Variants in DDX24 observed in about 807,000 individuals in gnomAD.
The protein encoded by DDX24 is DEAD-box helicase 24, also known as ATP-dependent RNA helicase DDX24.
In DDX24, 24 loss-of-function variants were observed where a neutral mutation model predicts 68.9. That is an observed-to-expected ratio of 0.35 (90% confidence interval 0.25 to 0.49). DDX24 has a LOEUF of 0.49. Ranked by LOEUF, DDX24 falls within the 20% of genes least tolerant of loss-of-function variation. The probability of loss-of-function intolerance (pLI) is 0.99; values close to 1 mark genes in which losing one functional copy is unlikely to be tolerated. For missense variants in DDX24, 989 were observed against 1,039.0 expected (o/e 0.95, Z 0.66); for synonymous variants, 395 against 385.2 (o/e 1.03, Z -0.30).
At chr14:94,079,788 A>C (rs185678774) in intron 1 of DDX24, 41 bp from the exon 2 acceptor site, 10 of 1,563,764 alleles carry the variant, frequency 6.4e-6, no homozygotes, top group Non-Finnish European at 8.7e-6. Flanking sequence ...GGTGTCTGAG[A>C]AGCAGAGGGT....
intron 6 of DDX24, chr14:94,057,607 A>G: frequency 1.9e-6 from 1 of 522,852 alleles, no homozygotes; most frequent in Non-Finnish European, 3.4e-6. Flanking sequence ...AGTAGCTTGG[A>G]GAGAAGGGCT....
intron 2 of DDX24, among the ~76,000 whole-genome samples, chr14:94,075,950 A>C (rs1885931392): frequency 6.6e-6 from 1 of 152,240 alleles, no homozygotes; most frequent in Admixed American, 6.5e-5. Context: ...TAAAAGTCTA[A>C]AATAAAATTA....
At chr14:94,075,538 C>CTATTAA (rs1339951909) in intron 2 of DDX24, among the ~76,000 whole-genome samples, 61 of 152,200 alleles carry the variant, frequency 4.0e-4, no homozygotes, top group African/African-American at 1.4e-3. Flanking sequence ...AAACCTAAGA[C>CTATTAA]TATTAACACT....
rs1426212382 is a variant in DDX24 at position 94,079,206 on chromosome 14, T to C, written c.537A>G (p.Thr179=). Residue 179 remains threonine, a synonymous_variant, in exon 2 of 9, where the codon ACA becomes ACG. Coordinates refer to ENST00000621632, the MANE Select transcript of DDX24 (RefSeq NM_020414.4). ...TCTGATCATGAACTTCAGGAATCCA[T>C]GTCTTCGCTTTTTTGGGCACCTTGG... ...TAAKVPKKAK[T]WIPEVHDQKA... 3 of 1,614,258 alleles carry C rather than the reference T, an allele frequency of 1.9e-6. No homozygotes were observed. Among genetic ancestry groups the C allele is most frequent in the Non-Finnish European group, 2.5e-6 (3 of 1,180,048 alleles).
chr14:94,065,067 T>C (rs1391043686), intron 2 of DDX24, among the ~76,000 whole-genome samples: 1 of 151,702 alleles, frequency 6.6e-6, no homozygotes, highest in Non-Finnish European at 1.5e-5. Context: ...TTTTTTTTTT[T>C]TGAGACACAG....
chr14:94,062,209 G>A lies in DDX24; in HGVS notation c.1131C>T (p.Ser377=), dbSNP rs750437552. ...GNLKQELDDK[S]ATCKAYPKRP... ...GCTTTGGATATGCCTTACAGGTGGC[G>A]CTTTTGTCATCCAACTCCTGTTTTA... The change falls in exon 3 of 9, where the codon AGC becomes AGT. Residue 377 remains serine (S), a synonymous_variant. Transcript: ENST00000621632. 18 of 1,614,104 alleles carry A rather than the reference G, an allele frequency of 1.1e-5. No individual in the cohort carries two copies. Among genetic ancestry groups the A allele is most frequent in the South Asian group, 7.7e-5 (7 of 91,080 alleles).
intron 2 of DDX24, among the ~76,000 whole-genome samples, chr14:94,067,925 A>G (rs1200462093): frequency 6.6e-6 from 1 of 152,212 alleles, no homozygotes; most frequent in African/African-American, 2.4e-5. Context: ...ATGCAGACAT[A>G]CAAGTTAAAA....
chr14:94,074,647 A>T (rs923445782), intron 2 of DDX24, among the ~76,000 whole-genome samples: 1 of 152,250 alleles, frequency 6.6e-6, no homozygotes, highest in Non-Finnish European at 1.5e-5. Flanking sequence ...TTTCCCCAGA[A>T]GATCAAACAC....
At chr14:94,052,081 G>A (rs1885398682) in intron 8 of DDX24, among the ~76,000 whole-genome samples, 1 of 152,256 alleles carries the variant, frequency 6.6e-6, no homozygotes, top group Non-Finnish European at 1.5e-5. Context: ...ATAGCTCACT[G>A]TCATCAAGCC....
intron 3 of DDX24, among the ~76,000 whole-genome samples, chr14:94,061,648 G>T (rs1885599389): frequency 6.6e-6 from 1 of 152,128 alleles, no homozygotes; most frequent in African/African-American, 2.4e-5. Context: ...AATCCTAATA[G>T]CTTAGAGCAG....
intron 8 of DDX24, 66 bp downstream of exon 8, chr14:94,052,932 T>G (rs1383844616): frequency 6.4e-7 from 1 of 1,557,482 alleles, no homozygotes; most frequent in Admixed American, 1.9e-5. Context: ...TAGAGATGGT[T>G]CCAACAAAGC....
chr14:94,079,129 C>T lies in DDX24; in HGVS notation c.614G>A (p.Arg205Gln), dbSNP rs748177362. 7 of 1,614,076 alleles carry T rather than the reference C, an allele frequency of 4.3e-6. No individual in the cohort carries two copies. Among genetic ancestry groups the T allele is most frequent in the East Asian group, 2.2e-5 (1 of 44,896 alleles). Residue 205 changes from arginine to glutamine, a missense_variant, in exon 2 of 9, where the codon CGA becomes CAA. Around this residue, in one of 3 missense-constraint regions of DDX24, gnomAD observed 295 missense variants for 263.0 expected, o/e 1.12. Coordinates refer to ENST00000621632, the MANE Select transcript of DDX24 (RefSeq NM_020414.4). ...KDLFVPRPVL[R>Q]ALSFLGFSAP... ...AGAGAAGCCTAGAAAGCTGAGTGCTCGGAGAACCGGCCTGGGAACAAACAG... is the reference window on the plus strand; with the variant it reads ...AGAGAAGCCTAGAAAGCTGAGTGCTTGGAGAACCGGCCTGGGAACAAACAG...
At chr14:94,057,504 C>T in intron 6 of DDX24, 1 of 291,470 alleles carries the variant, frequency 3.4e-6, no homozygotes. Flanking sequence ...CCACACTCTT[C>T]TATTAATACT....
intron 2 of DDX24, among the ~76,000 whole-genome samples, chr14:94,078,565 A>C (rs147167089): frequency 1.7e-4 from 26 of 152,254 alleles, no homozygotes; most frequent in Non-Finnish European, 2.6e-4. Flanking sequence ...AACCCTTTTC[A>C]CCTTTGCACA....
At position 94,079,337 on chromosome 14, in the gene DDX24, C is replaced by G; in HGVS notation, c.406G>C (p.Asp136His). Residue 136 changes from aspartate to histidine, a missense_variant, in exon 2 of 9, where the codon GAT (aspartate) becomes CAT (histidine). Physicochemically the swap from Asp to His is moderately conservative, Grantham distance 81. Transcript: ENST00000621632. ...EAQGDDMVCD[D>H]PEAGEMTSEN... Reference sequence around the variant, plus strand: ...GATGTCATCTCCCCAGCCTCCGGATCATCACAAACCATGTCATCTCCCTGG... The same window carrying G: ...GATGTCATCTCCCCAGCCTCCGGATGATCACAAACCATGTCATCTCCCTGG... 6.2e-7 allele frequency: 1 copy of G among 1,614,074 alleles called. No homozygotes were observed. The highest frequency in any genetic ancestry group is 1.3e-5 in the African/African-American group (1 of 74,994).
chr14:94,064,689 C>T (rs1483133041), intron 2 of DDX24, among the ~76,000 whole-genome samples: 3 of 152,240 alleles, frequency 2.0e-5, no homozygotes, highest in African/African-American at 7.2e-5. Flanking sequence ...CCCTAGTCAT[C>T]TCATCCATCT....
chr14:94,060,653 G>A (rs200367600), intron 4 of DDX24, 40 bp from the exon 5 acceptor site: 1 of 1,594,788 alleles, frequency 6.3e-7, no homozygotes, highest in East Asian at 2.2e-5. Context: ...GTCAGCAGCG[G>A]GTTAAGAGGA....
chr14:94,064,806 T>G (rs576630694), intron 2 of DDX24, among the ~76,000 whole-genome samples: 1 of 152,352 alleles, frequency 6.6e-6, no homozygotes, highest in African/African-American at 2.4e-5. Context: ...GAAGGTGTTG[T>G]GGGAATACCC....
At chr14:94,069,129 CAAGAA>C (rs1414918300) in intron 2 of DDX24, among the ~76,000 whole-genome samples, 2 of 151,998 alleles carry the variant, frequency 1.3e-5, no homozygotes, top group South Asian at 2.1e-4. Context: ...CAAGATTAAC[CAAGAA>C]AAGAAGAGAG....
Sources: gnomAD v4.1 joint callset for allele counts (sites outside exome capture counted in the v4.1 genomes callset) on GRCh38, gnomAD v4.1.1 for gene constraint, gnomAD v4.1.1 regional missense constraint, MANE v1.5 for transcripts, NCBI Gene and HGNC (gene_info 2026-07-23, HGNC 2026-07-21) for gene names.